Variants in GPC5 observed in about 807,000 individuals in gnomAD.
The protein encoded by GPC5 is glypican 5.
A neutral mutation model predicts 53.9 loss-of-function variants in GPC5; 47 were observed. The observed-to-expected ratio is 0.87, with a 90% CI of 0.69 to 1.11. GPC5 has a LOEUF of 1.11. Ranked by LOEUF, GPC5 falls within the 50% of genes most tolerant of loss-of-function variation. The pLI, the probability that GPC5 is intolerant of heterozygous loss-of-function variation, is 0.00. For synonymous variants in GPC5, 286 were observed against 263.3 expected, an observed-to-expected ratio of 1.09 and a Z score of -0.84; for missense variants, 748 against 713.1, an observed-to-expected ratio of 1.05 and a Z score of -0.56.
At chr13:92,258,164 T>C (rs928156759) in intron 7 of GPC5, among the ~76,000 whole-genome samples, 3 of 152,156 alleles carry the variant, frequency 2.0e-5, no homozygotes, top group African/African-American at 7.2e-5. Flanking sequence ...TTTTTCATAA[T>C]AACATTTAGA....
chr13:92,057,756 G>C (rs139607062), intron 6 of GPC5, among the ~76,000 whole-genome samples: 1 of 152,056 alleles, frequency 6.6e-6, no homozygotes, highest in Non-Finnish European at 1.5e-5. Flanking sequence ...TTATCTGGAG[G>C]CTAATAGTAC....
intron 7 of GPC5, among the ~76,000 whole-genome samples, chr13:92,217,404 T>G (rs138895862): frequency 1.4e-4 from 22 of 152,300 alleles, no homozygotes; most frequent in African/African-American, 5.3e-4. Context: ...TTATCCAGTT[T>G]CTCATCCTCT....
At chr13:92,460,958 T>G (rs1035667650) in intron 7 of GPC5, among the ~76,000 whole-genome samples, 1 of 152,058 alleles carries the variant, frequency 6.6e-6, no homozygotes, top group Non-Finnish European at 1.5e-5. Context: ...AGAAAATAGC[T>G]GGGAAACAAA....
intron 2 of GPC5, among the ~76,000 whole-genome samples, chr13:91,523,742 C>G (rs1010913681): frequency 3.9e-5 from 6 of 152,182 alleles, no homozygotes; most frequent in African/African-American, 1.4e-4. Context: ...CACAAACACA[C>G]AGCACCCATG....
At chr13:92,339,471 T>C (rs78645669) in intron 7 of GPC5, among the ~76,000 whole-genome samples, 2,021 of 152,178 alleles carry the variant, frequency 0.013, 29 homozygotes, top group South Asian at 0.025. Context: ...TTGAGAAATA[T>C]ATACAGAGAA....
intron 7 of GPC5, among the ~76,000 whole-genome samples, chr13:92,153,526 A>G (rs2041921881): frequency 6.6e-6 from 1 of 152,222 alleles, no homozygotes; most frequent in Non-Finnish European, 1.5e-5. Context: ...ATTGGAGTTG[A>G]TGTCAATCAG....
chr13:92,044,824 G>T (rs907889212), intron 6 of GPC5, among the ~76,000 whole-genome samples: 1 of 152,154 alleles, frequency 6.6e-6, no homozygotes, highest in Admixed American at 6.5e-5. Flanking sequence ...GTTTTTAATA[G>T]AAATTTTTCT....
At chr13:92,443,721 G>A (rs1362001546) in intron 7 of GPC5, among the ~76,000 whole-genome samples, 1 of 152,138 alleles carries the variant, frequency 6.6e-6, no homozygotes, top group Non-Finnish European at 1.5e-5. Flanking sequence ...GCGGTATGTA[G>A]AACATGTTAC....
At chr13:91,837,648 CTGTCATTTAACTTTTCAACA>C (rs2038736917) in intron 5 of GPC5, among the ~76,000 whole-genome samples, 1 of 152,174 alleles carries the variant, frequency 6.6e-6, no homozygotes, top group African/African-American at 2.4e-5. Flanking sequence ...GTAACTTCTG[CTGTCATTTAACTTTTCAACA>C]TGTCTAAATC....
chr13:91,458,990 A>G (rs1405158594), intron 2 of GPC5, among the ~76,000 whole-genome samples: 4 of 152,078 alleles, frequency 2.6e-5, no homozygotes, highest in African/African-American at 9.7e-5. Context: ...GTTCTCACTG[A>G]TAAGTGGGAG....
intron 7 of GPC5, among the ~76,000 whole-genome samples, chr13:92,540,165 G>A (rs777283921): frequency 5.9e-5 from 9 of 151,966 alleles, no homozygotes; most frequent in East Asian, 3.9e-4. Context: ...AATCTCCAGC[G>A]TTGCTCATAT....
At chr13:92,131,291 A>G (rs1374457778) in intron 6 of GPC5, among the ~76,000 whole-genome samples, 1 of 152,010 alleles carries the variant, frequency 6.6e-6, no homozygotes, top group Admixed American at 6.6e-5. Flanking sequence ...ACTAAAGTTA[A>G]ATGTATATGT....
chr13:92,522,987 CTG>C (rs1350950812), intron 7 of GPC5, among the ~76,000 whole-genome samples: 2 of 152,060 alleles, frequency 1.3e-5, no homozygotes, highest in Non-Finnish European at 1.5e-5. Flanking sequence ...GAAAATTAGA[CTG>C]TGCAAGAATG....
At chr13:92,466,676 G>A (rs73632235) in intron 7 of GPC5, among the ~76,000 whole-genome samples, 2,356 of 152,162 alleles carry the variant, frequency 0.015, 61 homozygotes, top group African/African-American at 0.054. Context: ...AAAGGTCAGT[G>A]ATAGAGTAAT....
intron 6 of GPC5, among the ~76,000 whole-genome samples, chr13:92,048,004 A>G (rs997939393): frequency 1.3e-5 from 2 of 151,858 alleles, no homozygotes; most frequent in African/African-American, 4.8e-5. Context: ...AGAAAAAAAA[A>G]GCGGTATTAC....
chr13:92,550,176 T>C (rs918488708), intron 7 of GPC5, among the ~76,000 whole-genome samples: 1 of 151,880 alleles, frequency 6.6e-6, no homozygotes, highest in African/African-American at 2.4e-5. Flanking sequence ...TATTTATGTA[T>C]TATTTGATTC....
At chr13:92,118,216 CGTTT>C (rs1594770114) in intron 6 of GPC5, among the ~76,000 whole-genome samples, 1 of 152,056 alleles carries the variant, frequency 6.6e-6, no homozygotes, top group Non-Finnish European at 1.5e-5. Flanking sequence ...TACTGAATGA[CGTTT>C]GTTTTTCATC....
chr13:92,283,892 A>G (rs1219858010), intron 7 of GPC5, among the ~76,000 whole-genome samples: 1 of 152,258 alleles, frequency 6.6e-6, no homozygotes, highest in Non-Finnish European at 1.5e-5. Context: ...AACTAAGATC[A>G]GAGCAGAACT....
chr13:92,130,118 G>A (rs898968531), intron 6 of GPC5, among the ~76,000 whole-genome samples: 4 of 151,996 alleles, frequency 2.6e-5, no homozygotes, highest in Non-Finnish European at 5.9e-5. Context: ...ACAATGAAAT[G>A]GCATTTTAAC....
Sources: gnomAD v4.1 joint callset for allele counts (sites outside exome capture counted in the v4.1 genomes callset) on GRCh38, gnomAD v4.1.1 for gene constraint, MANE v1.5 for transcripts, NCBI Gene and HGNC (gene_info 2026-07-23, HGNC 2026-07-21) for gene names.